Variants in AGBL1 observed in about 807,000 individuals in gnomAD.
The protein encoded by AGBL1 is AGBL carboxypeptidase 1, also known as cytosolic carboxypeptidase 4.
Under a neutral mutation model 118.9 loss-of-function variants are expected in AGBL1, and 130 were observed. The observed-to-expected ratio is 1.09, with a 90% CI of 0.95 to 1.26. AGBL1 has a LOEUF of 1.26. Among genes scored for constraint, AGBL1 ranks in the 50% most tolerant of loss-of-function variants. The probability of loss-of-function intolerance (pLI) is 0.00; values close to 1 mark genes in which losing one functional copy is unlikely to be tolerated. For missense variants in AGBL1, 1,584 were observed against 1,298.1 expected (o/e 1.22, Z -3.38); for synonymous variants, 555 against 478.9 (o/e 1.16, Z -2.08).
intron 23 of AGBL1, among the ~76,000 whole-genome samples, chr15:86,957,829 T>C (rs936678041): frequency 1.3e-5 from 2 of 152,076 alleles, no homozygotes; most frequent in African/African-American, 2.4e-5. Context: ...GATTTTGTTT[T>C]CTTGGATTTT....
chr15:86,750,388 C>G (rs541031902), intron 22 of AGBL1, among the ~76,000 whole-genome samples: 2 of 150,638 alleles, frequency 1.3e-5, no homozygotes, highest in Non-Finnish European at 3.0e-5. Flanking sequence ...TATTTTTCAG[C>G]GAAAAATAGA....
chr15:86,528,016 T>A (rs937128728), intron 19 of AGBL1, among the ~76,000 whole-genome samples: 1 of 152,176 alleles, frequency 6.6e-6, no homozygotes, highest in Non-Finnish European at 1.5e-5. Flanking sequence ...CTTCATTCAC[T>A]TGCATCATAT....
chr15:86,947,738 G>C (rs1445131784), intron 23 of AGBL1, among the ~76,000 whole-genome samples: 1 of 152,134 alleles, frequency 6.6e-6, no homozygotes, highest in African/African-American at 2.4e-5. Context: ...CTGAGGGCAA[G>C]TTAGCCTTAT....
At chr15:86,791,614 A>T (rs12909433) in intron 22 of AGBL1, among the ~76,000 whole-genome samples, 42,815 of 151,792 alleles carry the variant, frequency 0.28, 7,313 homozygotes, top group Non-Finnish European at 0.4. Context: ...ACTCTCTTGG[A>T]TACCTCAGTT....
intron 19 of AGBL1, among the ~76,000 whole-genome samples, chr15:86,539,812 A>G (rs1023325301): frequency 1.3e-5 from 2 of 152,140 alleles, no homozygotes; most frequent in Admixed American, 6.5e-5. Flanking sequence ...TGCAATGTGA[A>G]TGCTGCCCCC....
intron 22 of AGBL1, among the ~76,000 whole-genome samples, chr15:86,725,503 A>C (rs543809368): frequency 2.0e-5 from 3 of 152,236 alleles, no homozygotes; most frequent in African/African-American, 7.2e-5. Context: ...GCTTAGCTGA[A>C]AAGTTGTGGC....
At chr15:86,964,543 C>A (rs1596682334) in intron 23 of AGBL1, among the ~76,000 whole-genome samples, 1 of 152,060 alleles carries the variant, frequency 6.6e-6, no homozygotes, top group South Asian at 2.1e-4. Flanking sequence ...CAGTAAATCA[C>A]CTCCTGAACA....
chr15:86,207,419 C>T (rs1157878807), intron 5 of AGBL1, among the ~76,000 whole-genome samples: 6 of 152,246 alleles, frequency 3.9e-5, no homozygotes, highest in East Asian at 1.9e-4. Context: ...GCCATTTTCA[C>T]GATATTGATT....
At chr15:86,618,879 C>T (rs937671282) in intron 21 of AGBL1, among the ~76,000 whole-genome samples, 3 of 152,240 alleles carry the variant, frequency 2.0e-5, no homozygotes, top group East Asian at 3.9e-4. Flanking sequence ...GACCCTCTGG[C>T]GCTAACTCCT....
intron 23 of AGBL1, among the ~76,000 whole-genome samples, chr15:86,932,103 TTA>T (rs1393919476): frequency 1.3e-5 from 2 of 152,154 alleles, no homozygotes; most frequent in African/African-American, 4.8e-5. Flanking sequence ...TAAAATATAA[TTA>T]GTTCCTGAGG....
intron 18 of AGBL1, among the ~76,000 whole-genome samples, chr15:86,437,274 G>T (rs926316101): frequency 2.6e-5 from 4 of 152,122 alleles, no homozygotes; most frequent in African/African-American, 7.2e-5. Flanking sequence ...TCCGAGTCCT[G>T]GTATTTGTAG....
chr15:86,356,047 C>G (rs888053987), intron 17 of AGBL1, among the ~76,000 whole-genome samples: 3 of 152,128 alleles, frequency 2.0e-5, no homozygotes, highest in Admixed American at 1.3e-4. Flanking sequence ...CTTATGTAGT[C>G]AACAGAGCTA....
At chr15:86,747,727 T>A (rs1301989660) in intron 22 of AGBL1, among the ~76,000 whole-genome samples, 1 of 151,998 alleles carries the variant, frequency 6.6e-6, no homozygotes, top group Non-Finnish European at 1.5e-5. Flanking sequence ...GAACATGTGG[T>A]GTTTGGTTTT....
At chr15:86,220,654 A>G (rs1233470254) in intron 5 of AGBL1, among the ~76,000 whole-genome samples, 1 of 152,222 alleles carries the variant, frequency 6.6e-6, no homozygotes, top group Non-Finnish European at 1.5e-5. Context: ...GTTATCCTAC[A>G]GTATGAAAAT....
intron 23 of AGBL1, chr15:86,939,830 T>A (rs780377396): frequency 6.6e-6 from 1 of 152,134 alleles, no homozygotes; most frequent in Non-Finnish European, 1.5e-5. Flanking sequence ...ACCAGTAATT[T>A]TGGCAGAATC....
chr15:86,589,183 G>A lies in AGBL1; in HGVS notation c.2994+34646G>A, dbSNP rs934085812. Among the ~76,000 whole-genome samples the A allele has an allele frequency of 8.6e-5, 13 of 151,976 alleles. No individual in the cohort carries two copies. In the South Asian group the frequency reaches 1.5e-3, roughly 17 times the overall value. On this transcript the variant is annotated intron_variant, in intron 21 of 22. Coordinates refer to ENST00000614907, the MANE Select transcript of AGBL1 (RefSeq NM_001386094.1). ...GTGCCGGATGAGATGTCAGAGCCCCGGCATCAGAAAGTGATCAACTCACAG... is the reference window on the plus strand; with the variant it reads ...GTGCCGGATGAGATGTCAGAGCCCCAGCATCAGAAAGTGATCAACTCACAG...
intron 23 of AGBL1, among the ~76,000 whole-genome samples, chr15:86,958,682 T>G (rs1022070035): frequency 6.6e-6 from 1 of 152,160 alleles, no homozygotes; most frequent in Non-Finnish European, 1.5e-5. Flanking sequence ...TATCAGCACT[T>G]TCTATAAATC....
At chr15:86,266,248 T>G in intron 11 of AGBL1, 126 bp from the exon 12 acceptor site, 1 of 565,140 alleles carries the variant, frequency 1.8e-6, no homozygotes, top group South Asian at 2.8e-5. Context: ...AGTTGAGGTG[T>G]TATTAAACTT....
At chr15:86,495,762 T>C (rs2082844188) in intron 18 of AGBL1, among the ~76,000 whole-genome samples, 1 of 152,020 alleles carries the variant, frequency 6.6e-6, no homozygotes, top group Admixed American at 6.6e-5. Context: ...TATAAAAGTA[T>C]GCATCTTCTC....
Sources: gnomAD v4.1 joint callset for allele counts (sites outside exome capture counted in the v4.1 genomes callset) on GRCh38, gnomAD v4.1.1 for gene constraint, MANE v1.5 for transcripts, NCBI Gene and HGNC (gene_info 2026-07-23, HGNC 2026-07-21) for gene names.